The following KIAA0319L variants were observed in gnomAD, a reference collection of about 807,000 sequenced individuals.
The protein encoded by KIAA0319L is KIAA0319 like, also known as dyslexia-associated protein KIAA0319-like protein.
In KIAA0319L, 55 loss-of-function variants were observed where a neutral mutation model predicts 120.1. The observed-to-expected ratio is 0.46, with a 90% CI of 0.37 to 0.57. KIAA0319L has a LOEUF of 0.57. Ranked by LOEUF, KIAA0319L falls within the 20% of genes least tolerant of loss-of-function variation. The pLI is 0.00. For synonymous variants in KIAA0319L, 398 were observed against 471.9 expected (o/e 0.84, Z 2.03); for missense variants, 1,049 against 1,255.3 (o/e 0.84, Z 2.48).
chr1:35,462,697 C>T lies in KIAA0319L; in HGVS notation c.1218G>A (p.Arg406=). ...VTVKPEPRKN[R]PPIAIVSPQF... Reference sequence around the variant, plus strand: ...GAGGTGACACAATAGCAATGGGGGGCCGATTCTTACGGGGCTCTGCAAGAA... The same window carrying T: ...GAGGTGACACAATAGCAATGGGGGGTCGATTCTTACGGGGCTCTGCAAGAA... The change falls in exon 8 of 21, where the codon CGG becomes CGA. Residue 406 remains arginine, a synonymous_variant. Coordinates refer to ENST00000325722, the MANE Select transcript of KIAA0319L (RefSeq NM_024874.5). 6.2e-7 allele frequency: 1 copy of T among 1,613,858 alleles called. No individual in the cohort carries two copies. Among genetic ancestry groups the T allele is most frequent in the African/African-American group, 1.3e-5 (1 of 75,016 alleles).
intron 2 of KIAA0319L, among the ~76,000 whole-genome samples, chr1:35,550,259 GAGGATAACTGC>G (rs1647150500): frequency 6.6e-6 from 1 of 152,242 alleles, no homozygotes; most frequent in Non-Finnish European, 1.5e-5. Flanking sequence ...AGCGGGAGTG[GAGGATAACTGC>G]AGAGCTGCCT....
At chr1:35,505,170 A>T (rs1041633834) in intron 3 of KIAA0319L, among the ~76,000 whole-genome samples, 1 of 152,156 alleles carries the variant, frequency 6.6e-6, no homozygotes, top group Admixed American at 6.5e-5. Flanking sequence ...TAATTTAATT[A>T]TTAGAAATGT....
intron 3 of KIAA0319L, among the ~76,000 whole-genome samples, chr1:35,481,991 A>AT (rs1360137728): frequency 7.9e-5 from 12 of 151,356 alleles, no homozygotes; most frequent in African/African-American, 2.7e-4. Flanking sequence ...TGCCCAGCTA[A>AT]TTTTTTGTAT....
chr1:35,521,459 C>T (rs944369190), intron 2 of KIAA0319L, among the ~76,000 whole-genome samples: 2 of 151,074 alleles, frequency 1.3e-5, no homozygotes, highest in African/African-American at 4.9e-5. Context: ...ACGGTGAAAC[C>T]CTGTCTCTAC....
intron 3 of KIAA0319L, among the ~76,000 whole-genome samples, chr1:35,492,531 T>TTAA (rs758328189): frequency 4.1e-4 from 62 of 150,964 alleles, no homozygotes; most frequent in Middle Eastern, 6.8e-3. Flanking sequence ...AATAAATTAA[T>TTAA]TAATAATAAT....
At chr1:35,441,000 CAGAG>C (rs1284441456) in intron 20 of KIAA0319L, 43 bp downstream of exon 20, 28 of 1,444,728 alleles carry the variant, frequency 1.9e-5, no homozygotes, top group Non-Finnish European at 2.6e-5. Flanking sequence ...CAGCCTTCCA[CAGAG>C]AGAGTGCACA....
In KIAA0319L at chr1:35,444,182, C is replaced by T. The variant is rs1488267586; in HGVS notation, c.2635G>A (p.Ala879Thr). ...KQKADFLIFRALEVNTVTCQL... is the reference protein window; with the variant it reads ...KQKADFLIFRTLEVNTVTCQL... ...TCACTGACAGTGTTGACTTCCAAGG[C>T]TCTGAATATCAAAAAGTCTGCCTTT... The change falls in exon 17 of 21, where the codon GCC becomes ACC. Residue 879 changes from alanine to threonine, a missense_variant. Transcript: ENST00000325722. 3.1e-6 allele frequency: 5 copies of T among 1,605,898 alleles called. No individual in the cohort carries two copies. Among genetic ancestry groups the T allele is most frequent in the Non-Finnish European group, 4.2e-6 (5 of 1,176,872 alleles).
At chr1:35,557,658 A>G, upstream of KIAA0319L, 1 of 457,128 alleles carries the variant, frequency 2.2e-6, no homozygotes, top group Non-Finnish European at 4.4e-6. Flanking sequence ...CAATACCCAC[A>G]AGCAAGATGG....
chr1:35,456,366 C>T (rs1642455414), intron 9 of KIAA0319L, 125 bp from the exon 10 acceptor site: 1 of 612,274 alleles, frequency 1.6e-6, no homozygotes, highest in African/African-American at 1.8e-5. Context: ...TTACCCACTT[C>T]TATTGGAGAA....
At chr1:35,544,743 G>A (rs1174926965) in intron 2 of KIAA0319L, among the ~76,000 whole-genome samples, 1 of 152,172 alleles carries the variant, frequency 6.6e-6, no homozygotes, top group East Asian at 1.9e-4. Context: ...ACTAATTAAA[G>A]TAGACTTCTG....
intron 3 of KIAA0319L, among the ~76,000 whole-genome samples, chr1:35,496,948 A>AG: frequency 2.4e-5 from 3 of 126,158 alleles, no homozygotes; most frequent in African/African-American, 3.5e-5. Flanking sequence ...TTGTGTCTCC[A>AG]AAAAAAAAAA....
chr1:35,450,608 T>A, intron 13 of KIAA0319L, 99 bp from the exon 14 acceptor site: 1 of 1,189,718 alleles, frequency 8.4e-7, no homozygotes, highest in Non-Finnish European at 1.2e-6. Context: ...AAGAGTACCT[T>A]AACTGGAGAA....
chr1:35,474,128 G>C (rs1361328990), intron 5 of KIAA0319L, among the ~76,000 whole-genome samples: 1 of 152,054 alleles, frequency 6.6e-6, no homozygotes, highest in Non-Finnish European at 1.5e-5. Flanking sequence ...GGGAAACGAT[G>C]GTCCTTACAA....
At chr1:35,555,451 A>G (rs1647836888) in intron 1 of KIAA0319L, among the ~76,000 whole-genome samples, 1 of 152,194 alleles carries the variant, frequency 6.6e-6, no homozygotes, top group Non-Finnish European at 1.5e-5. Context: ...ACAGACATAC[A>G]CACAGCTGCA....
chr1:35,436,114 G>A (rs558548500), intron 20 of KIAA0319L, among the ~76,000 whole-genome samples: 4 of 152,222 alleles, frequency 2.6e-5, no homozygotes, highest in African/African-American at 7.2e-5. Flanking sequence ...TCCCTTCTCC[G>A]GGGAGAAGGA....
At chr1:35,441,229 G>C in intron 19 of KIAA0319L, 91 bp from the exon 20 acceptor site, 1 of 1,098,416 alleles carries the variant, frequency 9.1e-7, no homozygotes. Flanking sequence ...GCCCTATTTT[G>C]GTGGGGCACC....
chr1:35,548,043 C>T, intron 2 of KIAA0319L, among the ~76,000 whole-genome samples: 1 of 151,916 alleles, frequency 6.6e-6, no homozygotes, highest in East Asian at 1.9e-4. Context: ...ATTGCTTGAA[C>T]CCTGGAGGCT....
At chr1:35,504,456 A>G (rs1645133744) in intron 3 of KIAA0319L, among the ~76,000 whole-genome samples, 1 of 152,214 alleles carries the variant, frequency 6.6e-6, no homozygotes, top group Non-Finnish European at 1.5e-5. Flanking sequence ...TTGGCCTCCC[A>G]AAGTGCTGGG....
chr1:35,496,596 T>G (rs1449842781), intron 3 of KIAA0319L, among the ~76,000 whole-genome samples: 1 of 152,138 alleles, frequency 6.6e-6, no homozygotes, highest in Admixed American at 6.5e-5. Flanking sequence ...AACAGGTAAA[T>G]GGATAAACAA....
Sources: allele counts gnomAD v4.1 joint callset (sites outside exome capture counted in the v4.1 genomes callset), GRCh38; gene constraint gnomAD v4.1.1; transcripts MANE v1.5; gene names NCBI Gene and HGNC (gene_info 2026-07-23, HGNC 2026-07-21).